MYO1D: variants seen among roughly 807,000 people sequenced by gnomAD.
MYO1D encodes unconventional myosin-Id.
In MYO1D, 83 loss-of-function variants were observed where a neutral mutation model predicts 122.0. That is an observed-to-expected ratio of 0.68 (90% CI 0.57 to 0.82). MYO1D has a LOEUF of 0.82. MYO1D is among the 40% of genes least tolerant of loss of function. The pLI is 0.00. For synonymous variants in MYO1D, 464 were observed against 446.9 expected (o/e 1.04, Z -0.48); for missense variants, 1,157 against 1,269.5 (o/e 0.91, Z 1.35).
chr17:32,697,765 A>C (rs1170025641), intron 16 of MYO1D, among the ~76,000 whole-genome samples: 5 of 152,172 alleles, frequency 3.3e-5, no homozygotes, highest in Non-Finnish European at 7.3e-5. Context: ...CATACTTGAC[A>C]GTGAATAACT....
In MYO1D at chr17:32,700,226, G is replaced by A. The variant is rs571962407; in HGVS notation, c.2121+11762C>T. On this transcript the variant is annotated intron_variant, in intron 16 of 21. Coordinates refer to ENST00000318217, the MANE Select transcript of MYO1D (RefSeq NM_015194.3). ...CTGGGAGGTGGTAGGGGATGGTTTC[G>A]GGATGAAACTGTTCCATCAGATCAT... 6.6e-5 allele frequency among the ~76,000 whole-genome samples: 10 copies of A among 152,292 alleles called. No homozygotes were observed. The East Asian group carries it at 9.6e-4, about 15-fold the overall frequency.
chr17:32,624,760 C>T (rs114895136), intron 20 of MYO1D, among the ~76,000 whole-genome samples: 1 of 150,770 alleles, frequency 6.6e-6, no homozygotes, highest in Admixed American at 6.6e-5. Flanking sequence ...AAGATATTTT[C>T]TTTTTCTTGT....
chr17:32,519,621 C>T (rs1037040102), intron 21 of MYO1D, among the ~76,000 whole-genome samples: 2 of 151,646 alleles, frequency 1.3e-5, no homozygotes, highest in African/African-American at 2.4e-5. Context: ...CAGCCCCGGC[C>T]GGCCGCGCTT....
At chr17:32,718,403 A>G (rs1446804768) in intron 15 of MYO1D, among the ~76,000 whole-genome samples, 2 of 152,106 alleles carry the variant, frequency 1.3e-5, no homozygotes, top group Non-Finnish European at 2.9e-5. Flanking sequence ...TTCTTCTTAA[A>G]ATGCCATCTT....
Position 32,645,198 on chromosome 17 carries a change from G to C in MYO1D, c.2596-6363C>G, listed in dbSNP as rs952605978. 7.2e-5 allele frequency among the ~76,000 whole-genome samples: 11 copies of C among 152,214 alleles called. No homozygotes were observed. The East Asian group carries it at 7.7e-4, about 11-fold the overall frequency. ...GCTTAGTTTGGCTGGATATGAAATT[G>C]CGGGTTGAAAATTCTTTTCTTTAAG... On this transcript the variant is annotated intron_variant, in intron 19 of 21. Coordinates refer to ENST00000318217, the MANE Select transcript of MYO1D (RefSeq NM_015194.3).
chr17:32,528,679 C>A (rs1392753469), intron 21 of MYO1D, among the ~76,000 whole-genome samples: 1 of 152,000 alleles, frequency 6.6e-6, no homozygotes, highest in East Asian at 1.9e-4. Context: ...CACAAGTATT[C>A]TTTTAAAAGA....
chr17:32,785,868 A>G (rs1417169764), intron 1 of MYO1D, among the ~76,000 whole-genome samples: 1 of 152,148 alleles, frequency 6.6e-6, no homozygotes, highest in Non-Finnish European at 1.5e-5. Flanking sequence ...TCTTCCATTT[A>G]AGGAGGATAA....
chr17:32,538,394 C>T (rs1012537440), intron 21 of MYO1D, among the ~76,000 whole-genome samples: 1 of 151,632 alleles, frequency 6.6e-6, no homozygotes, highest in African/African-American at 2.4e-5. Flanking sequence ...AAGTGATCCT[C>T]CTGCCTTAGC....
chr17:32,853,325 C>G (rs976130596), intron 1 of MYO1D, among the ~76,000 whole-genome samples: 2 of 152,210 alleles, frequency 1.3e-5, no homozygotes, highest in African/African-American at 4.8e-5. Flanking sequence ...AAATGTAAAT[C>G]TGATCAAGTC....
At chr17:32,772,705 G>C in intron 5 of MYO1D, 84 bp downstream of exon 5, 1 of 1,154,300 alleles carries the variant, frequency 8.7e-7, no homozygotes. Context: ...GTGATGCATA[G>C]GACAGGGGAA....
chr17:32,813,498 G>T (rs538857630), intron 1 of MYO1D, among the ~76,000 whole-genome samples: 1 of 152,286 alleles, frequency 6.6e-6, no homozygotes, highest in East Asian at 1.9e-4. Flanking sequence ...GGGTGGAGGA[G>T]GAGGAGTGGG....
chr17:32,664,733 C>T lies in MYO1D; in HGVS notation c.2122-5395G>A, dbSNP rs1026546083. On this transcript the variant is annotated intron_variant, in intron 16 of 21. Transcript: ENST00000318217. ...AACAGAGAGGCCTGCTGACAGGGAA[C>T]GACTCAGGTATAAACAGAGAATGCT... Among the ~76,000 whole-genome samples, 8 of 152,124 alleles carry T rather than the reference C, an allele frequency of 5.3e-5. No individual in the cohort carries two copies. In the South Asian group the frequency reaches 1.0e-3, roughly 20 times the overall value.
In MYO1D at chr17:32,687,358, G is replaced by A. The variant is rs141266840; in HGVS notation, c.2121+24630C>T. ...ACTCCAGGCACCTGCCACCACGCCC[G>A]GCTAATTTTTTGTATTTTTCAGTGG... is the stretch of plus-strand genomic sequence containing the variant. On this transcript the variant is annotated intron_variant, in intron 16 of 21. Coordinates refer to ENST00000318217, the MANE Select transcript of MYO1D (RefSeq NM_015194.3). 9.1e-4 allele frequency among the ~76,000 whole-genome samples: 138 copies of A among 152,070 alleles called. 4 individuals are homozygous for A. The East Asian group carries it at 0.024, about 26-fold the overall frequency.
intron 17 of MYO1D, among the ~76,000 whole-genome samples, chr17:32,656,593 T>C (rs7208878): frequency 0.014 from 2,172 of 152,296 alleles, 61 homozygotes; most frequent in African/African-American, 0.05. Context: ...TCAGAGATAG[T>C]AGGTTGCCAA....
intron 16 of MYO1D, among the ~76,000 whole-genome samples, chr17:32,698,538 C>G (rs927574060): frequency 6.6e-6 from 1 of 151,990 alleles, no homozygotes; most frequent in Non-Finnish European, 1.5e-5. Flanking sequence ...CACTTCATGT[C>G]TCTATCTGAC....
At chr17:32,674,087 A>T (rs1470689935) in intron 16 of MYO1D, among the ~76,000 whole-genome samples, 1 of 152,214 alleles carries the variant, frequency 6.6e-6, no homozygotes, top group African/African-American at 2.4e-5. Context: ...TCCATGTATG[A>T]AGCTTGAATT....
intron 8 of MYO1D, among the ~76,000 whole-genome samples, chr17:32,763,474 G>A (rs899893122): frequency 6.6e-6 from 1 of 151,998 alleles, no homozygotes; most frequent in Admixed American, 6.6e-5. Context: ...CAGCTCCAAA[G>A]AAAAATGCAC....
At chr17:32,859,817 G>C (rs191430960) in intron 1 of MYO1D, among the ~76,000 whole-genome samples, 9 of 151,950 alleles carry the variant, frequency 5.9e-5, no homozygotes, top group African/African-American at 2.2e-4. Context: ...GGCACTTTTG[G>C]TTGCCTATCC....
chr17:32,561,900 T>G (rs2087129681), intron 21 of MYO1D, among the ~76,000 whole-genome samples: 1 of 152,138 alleles, frequency 6.6e-6, no homozygotes, highest in Admixed American at 6.6e-5. Context: ...AAGCAATATG[T>G]CCTCATTGAA....
Sources: allele counts gnomAD v4.1 joint callset (sites outside exome capture counted in the v4.1 genomes callset), GRCh38; gene constraint gnomAD v4.1.1; transcripts MANE v1.5; gene names NCBI Gene and HGNC (gene_info 2026-07-23, HGNC 2026-07-21).